Variants in CEP250 observed in about 807,000 individuals in gnomAD.
The protein encoded by CEP250 is centrosome-associated protein CEP250.
A neutral mutation model predicts 315.7 loss-of-function variants in CEP250; 242 were observed. The observed-to-expected ratio is 0.77, with a 90% CI of 0.69 to 0.85. The LOEUF (loss-of-function observed/expected upper bound fraction) is 0.85, where lower values mean the gene tolerates loss of function less well. Ranked by LOEUF, CEP250 falls within the 40% of genes least tolerant of loss-of-function variation. The pLI is 0.00. For synonymous variants in CEP250, 1,088 were observed against 1,175.0 expected, an observed-to-expected ratio of 0.93 and a Z score of 1.51; for missense variants, 2,515 against 2,886.4, an observed-to-expected ratio of 0.87 and a Z score of 2.95.
Position 35,477,982 on chromosome 20 carries a change from G to C in CEP250, c.1975G>C (p.Glu659Gln). ...EAEKRREALW[E>Q]KNTHLEAQLQ... ...AGAGAAGAGGAGGGAAGCCCTGTGG[G>C]AAAAGAACACTCACCTGGAGGCTCA... is the stretch of plus-strand genomic sequence containing the variant. Residue 659 changes from glutamate (E) to glutamine (Q), a missense_variant, in exon 17 of 35, where the codon GAA becomes CAA. Physicochemically the swap from Glu to Gln is conservative, Grantham distance 29. Transcript: ENST00000397527. The C allele has an allele frequency of 6.2e-7, 1 of 1,613,886 alleles. No homozygotes were observed. The highest frequency in any genetic ancestry group is 8.5e-7 in the Non-Finnish European group (1 of 1,179,932).
chr20:35,463,875 A>G (rs1206312708), intron 5 of CEP250, among the ~76,000 whole-genome samples: 1 of 152,226 alleles, frequency 6.6e-6, no homozygotes, highest in Non-Finnish European at 1.5e-5. Context: ...TGGGATTAGC[A>G]GGAAGAAGTG....
At chr20:35,474,470 G>T (rs1235149495) in intron 14 of CEP250, among the ~76,000 whole-genome samples, 2 of 152,160 alleles carry the variant, frequency 1.3e-5, no homozygotes, top group Non-Finnish European at 2.9e-5. Context: ...TTTGAGCTGG[G>T]CCTTTACCTA....
Position 35,494,799 on chromosome 20 carries a change from G to A in CEP250, c.3167+142G>A, listed in dbSNP as rs540567337. 1.5e-4 allele frequency: 138 copies of A among 908,426 alleles called. No homozygotes were observed. In the African/African-American group the frequency reaches 2.0e-3, roughly 13 times the overall value. The allele number at this position is 908,426 out of a possible 1,614,324, so 56.3% of individuals were successfully genotyped here. On this transcript the variant is annotated intron_variant, in intron 24 of 34. Coordinates refer to ENST00000397527, the MANE Select transcript of CEP250 (RefSeq NM_007186.6). ...ACATGTAGCCATGTGGAGAGGACAT[G>A]GTTCCTGTCTTCAAAGCTTGAACTT...
chr20:35,503,041 C>T lies in CEP250; in HGVS notation c.4672C>T (p.Leu1558=), dbSNP rs757548288. The T allele has an allele frequency of 1.2e-5, 19 of 1,614,084 alleles. No individual in the cohort carries two copies. In the Admixed American group the frequency reaches 3.2e-4, roughly 27 times the overall value. Residue 1558 remains leucine (L), a synonymous_variant, in exon 30 of 35, where the codon CTG becomes TTG. Coordinates refer to ENST00000397527, the MANE Select transcript of CEP250 (RefSeq NM_007186.6). The surrounding 1 kb of genome is among the most constrained non-coding windows in gnomAD (Gnocchi z 4.2). ...LKKQLVTLEC[L]ALELEENHHK... ...AAAGCAGTTGGTTACTCTGGAATGC[C>T]TGGCCCTGGAACTGGAGGAAAACCA...
In CEP250 at chr20:35,474,023, G is replaced by A. The variant is rs767111245; in HGVS notation, c.1542G>A (p.Leu514=). 1 of 1,587,752 alleles carries A rather than the reference G, an allele frequency of 6.3e-7. No homozygotes were observed. Among genetic ancestry groups the A allele is most frequent in the Non-Finnish European group, 8.5e-7 (1 of 1,169,912 alleles). Residue 514 remains leucine, a synonymous_variant, in exon 14 of 35, where the codon CTG becomes CTA. Coordinates refer to ENST00000397527, the MANE Select transcript of CEP250 (RefSeq NM_007186.6). ...QGQKEEQQEE[L]HLAVRERERL... ...AGAAGGAGGAACAGCAGGAGGAGCT[G>A]CACCTGGCTGTCCGGGAGAGGGAGC...
rs1159067769 is a variant in CEP250, at chr20:35,479,880, T to G, written c.2417-96T>G. ...TCCTTCTCCAGCAGGGTGCAGGGCC[T>G]CTGAGATGGGAGTTGCTCATGAGGT... On this transcript the variant is annotated intron_variant, in intron 19 of 34. Transcript: ENST00000397527. 9 of 1,594,984 alleles carry G rather than the reference T, an allele frequency of 5.6e-6. No individual in the cohort carries two copies. In the East Asian group the frequency reaches 2.0e-4, roughly 36 times the overall value.
Position 35,502,409 on chromosome 20 carries a change from A to G in CEP250, c.4040A>G (p.Gln1347Arg), listed in dbSNP as rs1010390421. 3 of 1,612,700 alleles carry G rather than the reference A, an allele frequency of 1.9e-6. No individual in the cohort carries two copies. Among genetic ancestry groups the G allele is most frequent in the Admixed American group, 1.7e-5 (1 of 59,796 alleles). The stretch of plus-strand genomic sequence containing the variant: ...TTCTAGGGTGAGCGAGAGTTACTTC[A>G]GGCAGCCAAGGAGAACCTGACAGCC... ...MEAQGERELL[Q>R]AAKENLTAQV... is the part of the protein sequence containing the mutation. Residue 1347 changes from glutamine to arginine, a missense_variant, in exon 30 of 35, where the codon CAG (glutamine) becomes CGG (arginine). Coordinates refer to ENST00000397527, the MANE Select transcript of CEP250 (RefSeq NM_007186.6).
At chr20:35,466,851 A>G in intron 7 of CEP250, 115 bp from the exon 8 acceptor site, 4 of 675,646 alleles carry the variant, frequency 5.9e-6, no homozygotes, top group Admixed American at 2.3e-5. Flanking sequence ...TTCATAAACT[A>G]TCTCCTGTAA....
rs2062862719 is a variant in CEP250, at chr20:35,465,759, G to C, written c.260G>C (p.Arg87Thr). Reference sequence around the variant, plus strand: ...CTGGCGCAGGGACCAATCCCCCAGAGGTGGGAAAATGTGGAGGAGCCAAAC... The same window carrying C: ...CTGGCGCAGGGACCAATCCCCCAGACGTGGGAAAATGTGGAGGAGCCAAAC... ...LEATGGPIPQ[R>T]WENVEEPNLD... The change falls in exon 6 of 35, where the codon AGG (arginine) becomes ACG (threonine). Residue 87 changes from arginine to threonine, a missense_variant. Transcript: ENST00000397527. 1 of 1,606,258 alleles carries C rather than the reference G, an allele frequency of 6.2e-7. No individual in the cohort carries two copies. Among genetic ancestry groups the C allele is most frequent in the Non-Finnish European group, 8.5e-7 (1 of 1,176,806 alleles).
At chr20:35,480,627 CTG>C (rs1340085006) in intron 20 of CEP250, among the ~76,000 whole-genome samples, 2 of 136,094 alleles carry the variant, frequency 1.5e-5, no homozygotes, top group Non-Finnish European at 3.0e-5. Context: ...CAGTCTCACT[CTG>C]TCCCTCAGGC....
intron 28 of CEP250, among the ~76,000 whole-genome samples, chr20:35,500,435 G>A (rs904962548): frequency 6.6e-6 from 1 of 152,156 alleles, no homozygotes; most frequent in African/African-American, 2.4e-5. Flanking sequence ...GTTTCACCAT[G>A]TTCACCAACC....
At chr20:35,475,124 G>C (rs2063133972) in intron 14 of CEP250, among the ~76,000 whole-genome samples, 1 of 152,202 alleles carries the variant, frequency 6.6e-6, no homozygotes, top group Admixed American at 6.5e-5. Flanking sequence ...TGAGCCCCCA[G>C]GAGTTTGAGG....
chr20:35,484,513 C>T (rs2063449256), intron 20 of CEP250, among the ~76,000 whole-genome samples: 1 of 152,112 alleles, frequency 6.6e-6, no homozygotes, highest in Non-Finnish European at 1.5e-5. Context: ...TGTCCCCTCT[C>T]CACATCCCTC....
At chr20:35,492,397 C>T (rs941770130) in intron 22 of CEP250, among the ~76,000 whole-genome samples, 1 of 151,876 alleles carries the variant, frequency 6.6e-6, no homozygotes, top group Non-Finnish European at 1.5e-5. Flanking sequence ...AGATTGATTG[C>T]GATGATAGTT....
At chr20:35,482,592 C>T (rs2063383134) in intron 20 of CEP250, among the ~76,000 whole-genome samples, 1 of 151,464 alleles carries the variant, frequency 6.6e-6, no homozygotes, top group Non-Finnish European at 1.5e-5. Context: ...CAGAGTCTTG[C>T]TCTGTCACCC....
chr20:35,501,251 C>T (rs1454710967), intron 28 of CEP250, among the ~76,000 whole-genome samples: 4 of 152,012 alleles, frequency 2.6e-5, no homozygotes, highest in South Asian at 2.1e-4. Context: ...GCAGGGGAAT[C>T]GCTTGAACCC....
rs1041020673 is a variant in CEP250, at chr20:35,503,874, G to A, written c.5505G>A (p.Arg1835=). 6.2e-7 allele frequency: 1 copy of A among 1,613,864 alleles called. No homozygotes were observed. The highest frequency in any genetic ancestry group is 8.5e-7 in the Non-Finnish European group (1 of 1,179,910). Residue 1835 remains arginine (R), a synonymous_variant, in exon 30 of 35, where the codon AGG becomes AGA. Transcript: ENST00000397527. The surrounding 1 kb of genome is among the most constrained non-coding windows in gnomAD (Gnocchi z 4.2). ...AGCAGGCCCAGGGACAGGAGGAGAG[G>A]GTGAAGGAAAAGGCAGACGCCCTCC... The part of the protein sequence containing the change: ...EQQQAQGQEE[R]VKEKADALQG...
At chr20:35,477,776 A>AT in intron 16 of CEP250, 95 bp from the exon 17 acceptor site, 1 of 940,100 alleles carries the variant, frequency 1.1e-6, no homozygotes, top group Non-Finnish European at 1.6e-6. Flanking sequence ...TGGAGAATAG[A>AT]TTCATATCTC....
chr20:35,503,948 A>C lies in CEP250; in HGVS notation c.5579A>C (p.Glu1860Ala), dbSNP rs765091007. 6.2e-7 allele frequency: 1 copy of C among 1,613,198 alleles called. No homozygotes were observed. The highest frequency in any genetic ancestry group is 8.5e-7 in the Non-Finnish European group (1 of 1,179,554). Residue 1860 changes from glutamate (E) to alanine (A), a missense_variant, in exon 30 of 35, where the codon GAG (glutamate) becomes GCG (alanine). Glu to Ala is a moderately radical substitution (Grantham distance 107). Transcript: ENST00000397527. The surrounding 1 kb of genome is among the most constrained non-coding windows in gnomAD (Gnocchi z 4.2). Reference sequence around the variant, plus strand: ...ATGACACTGAAGGAGCGTCATGGAGAGCTTCAGGACCACAAGGAACAGGCA... The same window carrying C: ...ATGACACTGAAGGAGCGTCATGGAGCGCTTCAGGACCACAAGGAACAGGCA... ...AHMTLKERHG[E>A]LQDHKEQARR...
Sources: gnomAD v4.1 joint callset for allele counts (sites outside exome capture counted in the v4.1 genomes callset) on GRCh38, gnomAD v4.1.1 for gene constraint, Gnocchi (gnomAD v3.1) non-coding constraint, MANE v1.5 for transcripts, NCBI Gene and HGNC (gene_info 2026-07-23, HGNC 2026-07-21) for gene names.